The following MARS1 variants were observed in gnomAD, a reference collection of about 807,000 sequenced individuals.
MARS1 encodes the protein methionine--tRNA ligase, cytoplasmic.
In MARS1, 80 loss-of-function variants were observed where a neutral mutation model predicts 119.5. The observed-to-expected ratio is 0.67, with a 90% CI of 0.56 to 0.81. MARS1 has a LOEUF of 0.81. MARS1 is among the 30% of genes least tolerant of loss of function. MARS1 has a pLI of 0.00. For synonymous variants in MARS1, 418 were observed against 433.4 expected (o/e 0.96, Z 0.44); for missense variants, 945 against 1,116.5 (o/e 0.85, Z 2.19).
chr12:57,506,695 G>C (rs1484888056), intron 11 of MARS1, among the ~76,000 whole-genome samples: 1 of 151,806 alleles, frequency 6.6e-6, no homozygotes, highest in Non-Finnish European at 1.5e-5. Flanking sequence ...TTCTTTTCTT[G>C]AGATGGAGTC....
Position 57,489,095 on chromosome 12 carries a change from T to C in MARS1, c.186T>C (p.Thr62=). ...QLDSGNYLFS[T]SAICRYFFLL... ...ATAGCGGCAACTACCTCTTCTCCACTAGTGCAATCTGCCGGTCAGTATTGG... is the reference window on the plus strand; with the variant it reads ...ATAGCGGCAACTACCTCTTCTCCACCAGTGCAATCTGCCGGTCAGTATTGG... The change falls in exon 2 of 21, where the codon ACT becomes ACC. Residue 62 remains threonine (T), a synonymous_variant. Coordinates refer to ENST00000262027, the MANE Select transcript of MARS1 (RefSeq NM_004990.4). The C allele has an allele frequency of 2.5e-6, 4 of 1,614,028 alleles. No individual in the cohort carries two copies. The highest frequency in any genetic ancestry group is 3.4e-6 in the Non-Finnish European group (4 of 1,179,974).
Position 57,489,332 on chromosome 12 carries a change from C to T in MARS1, c.266C>T (p.Ala89Val), listed in dbSNP as rs781061568. ...ACTAACCAGTGGCTGGAATGGGAAG[C>T]GACAGAGCTGCAGGTAGGACTAAGG... ...DLTNQWLEWE[A>V]TELQPALSAA... Residue 89 changes from alanine (A) to valine (V), a missense_variant, in exon 3 of 21, where the codon GCG (alanine) becomes GTG (valine). Transcript: ENST00000262027. 21 of 1,613,786 alleles carry T rather than the reference C, an allele frequency of 1.3e-5. No individual in the cohort carries two copies. Among genetic ancestry groups the T allele is most frequent in the African/African-American group, 6.7e-5 (5 of 74,876 alleles).
rs551282988 is a variant in MARS1 at position 57,489,268 on chromosome 12, T to C, written c.202T>C (p.Tyr68His). The change falls in exon 3 of 21, where the codon TAT becomes CAT. Residue 68 changes from tyrosine to histidine, a missense_variant and splice_region_variant. Physicochemically the swap from Tyr to His is moderately conservative, Grantham distance 83 (BLOSUM62 2). Coordinates refer to ENST00000262027, the MANE Select transcript of MARS1 (RefSeq NM_004990.4). ...ATCTGTTGCTCTCTCTCTGGGCAGATATTTTTTTTTGTTATCTGGCTGGGA... is the reference window on the plus strand; with the variant it reads ...ATCTGTTGCTCTCTCTCTGGGCAGACATTTTTTTTTGTTATCTGGCTGGGA... ...YLFSTSAICRYFFLLSGWEQD... is the reference protein window; with the variant it reads ...YLFSTSAICRHFFLLSGWEQD... The C allele has an allele frequency of 6.2e-7, 1 of 1,613,648 alleles. No individual in the cohort carries two copies.
chr12:57,490,342 G>A lies in MARS1; in HGVS notation c.626G>A (p.Ser209Asn), dbSNP rs141671963. The change falls in exon 6 of 21, where the codon AGC (serine) becomes AAC (asparagine). Residue 209 changes from serine to asparagine, a missense_variant. By Grantham distance (46) the Ser-to-Asn change is conservative. Coordinates refer to ENST00000262027, the MANE Select transcript of MARS1 (RefSeq NM_004990.4). ...RPYLQKQPQPSPAEGRAVTNE... is the reference protein window; with the variant it reads ...RPYLQKQPQPNPAEGRAVTNE... ...TACCTCCAAAAGCAGCCCCAGCCCA[G>A]CCCCGCTGAGGGAAGGGCTGTCACC... 974 of 1,612,690 alleles carry A rather than the reference G, an allele frequency of 6.0e-4. 5 individuals are homozygous for A. In the African/African-American group the frequency reaches 9.8e-3, roughly 16 times the overall value.
At position 57,498,369 on chromosome 12, in the gene MARS1, C is replaced by T. The variant is rs373875457; in HGVS notation, c.888-51C>T. 75 of 1,598,346 alleles carry T rather than the reference C, an allele frequency of 4.7e-5. 1 individual carries two copies. Among genetic ancestry groups the T allele is most frequent in the East Asian group, 2.2e-4 (10 of 44,790 alleles). ...GGTGGGGCTGGGGAGATCCCAAGGA[C>T]AAGGAAGCGCTGAAGCGGGGCCCCC... On this transcript the variant is annotated intron_variant, in intron 8 of 20. Coordinates refer to ENST00000262027, the MANE Select transcript of MARS1 (RefSeq NM_004990.4).
chr12:57,498,686 AT>A (rs2140017321), intron 9 of MARS1, 63 bp downstream of exon 9: 3 of 1,518,910 alleles, frequency 2.0e-6, no homozygotes, highest in Admixed American at 1.7e-5. Flanking sequence ...CAGTGGGAGT[AT>A]CTTGGAGACA....
intron 9 of MARS1, among the ~76,000 whole-genome samples, chr12:57,499,016 G>T (rs776038): frequency 0.18 from 27,152 of 151,858 alleles, 2,658 homozygotes; most frequent in East Asian, 0.29. Flanking sequence ...GGGTGCAGTG[G>T]CTCATACCTG....
chr12:57,512,590 G>C, intron 14 of MARS1, 161 bp from the exon 15 acceptor site: 1 of 664,806 alleles, frequency 1.5e-6, no homozygotes, highest in South Asian at 1.9e-5. Flanking sequence ...GAATGGATAG[G>C]AAGGGACTCC....
chr12:57,500,369 G>A lies in MARS1; in HGVS notation c.1140G>A (p.Leu380=). 2 of 1,614,206 alleles carry A rather than the reference G, an allele frequency of 1.2e-6. No homozygotes were observed. Among genetic ancestry groups the A allele is most frequent in the Non-Finnish European group, 1.7e-6 (2 of 1,180,034 alleles). The change falls in exon 10 of 21, where the codon CTG becomes CTA. Residue 380 remains leucine, a synonymous_variant. Transcript: ENST00000262027. ...FQQLLKRGFV[L]QDTVEQLRCE... Reference sequence around the variant, plus strand: ...AGTTGCTGAAACGAGGTTTTGTGCTGCAAGATACTGTGGAGCAACTGCGAT... The same window carrying A: ...AGTTGCTGAAACGAGGTTTTGTGCTACAAGATACTGTGGAGCAACTGCGAT...
intron 7 of MARS1, among the ~76,000 whole-genome samples, chr12:57,490,933 T>C (rs1021999907): frequency 6.1e-5 from 9 of 147,702 alleles, no homozygotes; most frequent in Non-Finnish European, 1.0e-4. Flanking sequence ...CTGGAGTGCA[T>C]TGGCGCGATC....
chr12:57,513,046 A>G, intron 15 of MARS1, 82 bp downstream of exon 15: 8 of 1,186,914 alleles, frequency 6.7e-6, no homozygotes, highest in Non-Finnish European at 1.0e-5. Flanking sequence ...TGTGGAGAGA[A>G]CTAGAAAATG....
intron 11 of MARS1, among the ~76,000 whole-genome samples, chr12:57,510,819 A>C (rs1877477610): frequency 6.6e-6 from 1 of 152,022 alleles, no homozygotes; most frequent in South Asian, 2.1e-4. Context: ...TGTAATTCCA[A>C]CTTCCAACAC....
chr12:57,510,180 TA>T (rs1366539362), intron 11 of MARS1, among the ~76,000 whole-genome samples: 4 of 151,654 alleles, frequency 2.6e-5, no homozygotes, highest in African/African-American at 2.4e-5. Context: ...CCTGGCTGAT[TA>T]AAAAAAAATT....
chr12:57,493,580 T>G lies in MARS1; in HGVS notation c.770+2936T>G, dbSNP rs865804410. Among the ~76,000 whole-genome samples the G allele has an allele frequency of 1.6e-3, 17 of 10,408 alleles. 3 individuals carry two copies. The highest frequency in any genetic ancestry group is 0.011 in the African/African-American group (17 of 1,598). The allele number at this position is 10,408 out of a possible 152,430, so 6.8% of individuals were successfully genotyped here. On this transcript the variant is annotated intron_variant, in intron 7 of 20. Coordinates refer to ENST00000262027, the MANE Select transcript of MARS1 (RefSeq NM_004990.4). ...ATATATAATATATTATAATATATAATATATAATATATTATAATATATAATA... is the reference window on the plus strand; with the variant it reads ...ATATATAATATATTATAATATATAAGATATAATATATTATAATATATAATA...
intron 10 of MARS1, among the ~76,000 whole-genome samples, chr12:57,502,869 T>G (rs1340835771): frequency 3.3e-5 from 5 of 150,970 alleles, no homozygotes; most frequent in African/African-American, 1.2e-4. Flanking sequence ...CTACTAAAAA[T>G]ACAAAAATAA....
At chr12:57,493,740 A>AT (rs1876321705) in intron 7 of MARS1, among the ~76,000 whole-genome samples, 1 of 4,680 alleles carries the variant, frequency 2.1e-4, no homozygotes, top group African/African-American at 1.0e-3. Context: ...TATATAATAT[A>AT]TATTATATAC....
intron 10 of MARS1, among the ~76,000 whole-genome samples, chr12:57,502,742 AAC>A (rs1280600484): frequency 0.01 from 1,511 of 149,446 alleles, 16 homozygotes; most frequent in Middle Eastern, 0.018. Flanking sequence ...ACAAAAAAAA[AAC>A]AAGCCAGGCA....
chr12:57,515,112 C>T (rs748629876), intron 17 of MARS1, 38 bp from the exon 18 acceptor site: 3 of 1,613,890 alleles, frequency 1.9e-6, no homozygotes, highest in Non-Finnish European at 1.7e-6. Context: ...TAAGCTGTAT[C>T]CTCCTGGAGG....
chr12:57,499,836 A>G (rs776039), intron 9 of MARS1, among the ~76,000 whole-genome samples: 27,610 of 151,966 alleles, frequency 0.18, 2,756 homozygotes, highest in East Asian at 0.29. Flanking sequence ...AGGCTGAGGC[A>G]GGCAGTGAGC....
Sources: allele counts gnomAD v4.1 joint callset (sites outside exome capture counted in the v4.1 genomes callset), GRCh38; gene constraint gnomAD v4.1.1; transcripts MANE v1.5; gene names NCBI Gene and HGNC (gene_info 2026-07-23, HGNC 2026-07-21).